The following AMPH variants were observed in gnomAD, a reference collection of about 807,000 sequenced individuals.
The protein encoded by AMPH is amphiphysin.
A neutral mutation model predicts 99.1 loss-of-function variants in AMPH; 49 were observed. The observed-to-expected ratio is 0.49, with a 90% CI of 0.39 to 0.63. The LOEUF (loss-of-function observed/expected upper bound fraction) is 0.63. Ranked by LOEUF, AMPH falls within the 20% of genes least tolerant of loss-of-function variation. AMPH has a pLI of 0.00. For synonymous variants in AMPH, 314 were observed against 317.3 expected, an observed-to-expected ratio of 0.99 and a Z score of 0.11; for missense variants, 759 against 863.4, an observed-to-expected ratio of 0.88 and a Z score of 1.52.
intron 3 of AMPH, among the ~76,000 whole-genome samples, chr7:38,495,986 C>T (rs529908835): frequency 1.3e-5 from 2 of 152,210 alleles, no homozygotes; most frequent in African/African-American, 2.4e-5. Flanking sequence ...CTTGGAGATG[C>T]GCCTCCGGCA....
At chr7:38,444,231 A>G (rs750648731) in intron 11 of AMPH, among the ~76,000 whole-genome samples, 8 of 152,186 alleles carry the variant, frequency 5.3e-5, no homozygotes, top group Non-Finnish European at 1.2e-4. Flanking sequence ...GATGACTCAC[A>G]TATCATTGAT....
At chr7:38,618,817 GC>G (rs1231242115) in intron 1 of AMPH, among the ~76,000 whole-genome samples, 1 of 151,822 alleles carries the variant, frequency 6.6e-6, no homozygotes, top group Non-Finnish European at 1.5e-5. Flanking sequence ...CCAAAAGCAG[GC>G]ATGAAAAATA....
chr7:38,510,791 T>C (rs1218159429), intron 2 of AMPH, among the ~76,000 whole-genome samples: 1 of 152,144 alleles, frequency 6.6e-6, no homozygotes, highest in Non-Finnish European at 1.5e-5. Context: ...AAGAAGCAAC[T>C]GTTGATAAAT....
intron 17 of AMPH, among the ~76,000 whole-genome samples, chr7:38,401,073 T>C (rs1203467246): frequency 6.6e-6 from 1 of 152,236 alleles, no homozygotes; most frequent in Non-Finnish European, 1.5e-5. Context: ...GTAATGGATA[T>C]ATAATACTTT....
intron 20 of AMPH, among the ~76,000 whole-genome samples, chr7:38,388,844 A>G (rs996903187): frequency 3.9e-5 from 6 of 152,214 alleles, no homozygotes; most frequent in African/African-American, 7.2e-5. Context: ...AGGTCTTGCT[A>G]TGTTGACCAG....
chr7:38,568,798 C>T (rs1430995502), intron 1 of AMPH, among the ~76,000 whole-genome samples: 1 of 152,072 alleles, frequency 6.6e-6, no homozygotes, highest in Non-Finnish European at 1.5e-5. Context: ...TTGCATTAGG[C>T]CATGTGTGCA....
intron 11 of AMPH, among the ~76,000 whole-genome samples, chr7:38,445,477 G>C (rs1478869109): frequency 6.6e-6 from 1 of 152,106 alleles, no homozygotes; most frequent in Non-Finnish European, 1.5e-5. Context: ...AGAATGAAAA[G>C]AAAGCCACAT....
chr7:38,545,791 G>C (rs1790975277), intron 1 of AMPH, among the ~76,000 whole-genome samples: 2 of 152,136 alleles, frequency 1.3e-5, no homozygotes, highest in South Asian at 2.1e-4. Context: ...TGCCCCAACT[G>C]CCAGGACATA....
chr7:38,441,207 A>G (rs773945697), intron 11 of AMPH, among the ~76,000 whole-genome samples: 2 of 152,160 alleles, frequency 1.3e-5, no homozygotes, highest in Admixed American at 6.5e-5. Flanking sequence ...GCACTCAATT[A>G]GAGAGCTTCA....
intron 1 of AMPH, among the ~76,000 whole-genome samples, chr7:38,589,456 A>G (rs185657738): frequency 6.6e-6 from 1 of 152,294 alleles, no homozygotes; most frequent in East Asian, 1.9e-4. Flanking sequence ...TGTCTCATAC[A>G]CTAGTTGGTA....
rs117842402 is a variant in AMPH, at chr7:38,451,897, T to C, written c.1017+9386A>G. Among the ~76,000 whole-genome samples the C allele has an allele frequency of 8.6e-3, 1,313 of 152,312 alleles. 11 individuals are homozygous for C. The highest frequency in any genetic ancestry group is 0.014 in the Non-Finnish European group (976 of 68,026). On this transcript the variant is annotated intron_variant, in intron 11 of 20. Coordinates refer to ENST00000356264, the MANE Select transcript of AMPH (RefSeq NM_001635.4). Reference sequence around the variant, plus strand: ...ATTTTTTGGACCTTTGGAAGATCTGTTTTTGTAAACACAAAACCAGAAAAG... The same window carrying C: ...ATTTTTTGGACCTTTGGAAGATCTGCTTTTGTAAACACAAAACCAGAAAAG...
chr7:38,602,424 C>T (rs1039889870), intron 1 of AMPH, among the ~76,000 whole-genome samples: 2 of 152,222 alleles, frequency 1.3e-5, no homozygotes, highest in African/African-American at 4.8e-5. Flanking sequence ...CAGGGCTGTG[C>T]TCCTTCTGGA....
intron 17 of AMPH, among the ~76,000 whole-genome samples, chr7:38,409,386 T>C (rs140198128): frequency 6.6e-6 from 1 of 152,140 alleles, no homozygotes; most frequent in Non-Finnish European, 1.5e-5. Context: ...TGGCCCCAAA[T>C]AGAAGATGAT....
chr7:38,555,765 C>G (rs1383455512), intron 1 of AMPH, among the ~76,000 whole-genome samples: 4 of 152,148 alleles, frequency 2.6e-5, no homozygotes, highest in South Asian at 2.1e-4. Flanking sequence ...CAACAGGGAT[C>G]AAATTATGGG....
intron 1 of AMPH, among the ~76,000 whole-genome samples, chr7:38,542,485 C>T (rs1425978331): frequency 6.6e-6 from 1 of 152,144 alleles, no homozygotes; most frequent in Admixed American, 6.5e-5. Context: ...TGAGAGCAAG[C>T]TTACATCTGC....
At chr7:38,522,426 G>T (rs1040888819) in intron 2 of AMPH, among the ~76,000 whole-genome samples, 3 of 152,124 alleles carry the variant, frequency 2.0e-5, no homozygotes, top group Non-Finnish European at 2.9e-5. Context: ...TTAAACAAGC[G>T]GGATACTTCC....
chr7:38,455,677 CCCT>C (rs772743477), intron 11 of AMPH, among the ~76,000 whole-genome samples: 9 of 152,144 alleles, frequency 5.9e-5, no homozygotes, highest in Non-Finnish European at 1.2e-4. Context: ...ATGGGAGAAC[CCCT>C]CAACTGATAT....
At chr7:38,606,206 A>C (rs1793428854) in intron 1 of AMPH, among the ~76,000 whole-genome samples, 2 of 152,174 alleles carry the variant, frequency 1.3e-5, no homozygotes, top group African/African-American at 4.8e-5. Flanking sequence ...TTTTTAAAAA[A>C]ATTGTGGTGA....
At chr7:38,514,134 C>A (rs2129031521) in intron 2 of AMPH, among the ~76,000 whole-genome samples, 1 of 152,274 alleles carries the variant, frequency 6.6e-6, no homozygotes, top group East Asian at 1.9e-4. Flanking sequence ...TAATTGTGCT[C>A]TATTTATTGT....
Sources: allele counts gnomAD v4.1 joint callset (sites outside exome capture counted in the v4.1 genomes callset), GRCh38; gene constraint gnomAD v4.1.1; transcripts MANE v1.5; gene names NCBI Gene and HGNC (gene_info 2026-07-23, HGNC 2026-07-21).